Variants in STX8 observed in about 807,000 individuals in gnomAD.
The protein encoded by STX8 is syntaxin 8, also known as syntaxin-8.
Under a neutral mutation model 37.5 loss-of-function variants are expected in STX8, and 23 were observed. That is an observed-to-expected ratio of 0.61 (90% confidence interval 0.44 to 0.87). STX8 has a LOEUF of 0.87. Ranked by LOEUF, STX8 falls within the 40% of genes least tolerant of loss-of-function variation. The pLI is 0.00. For synonymous variants in STX8, 115 were observed against 99.1 expected (o/e 1.16, Z -0.95); for missense variants, 313 against 284.7 (o/e 1.10, Z -0.71).
chr17:9,546,783 G>A (rs1217988702), intron 3 of STX8, among the ~76,000 whole-genome samples: 1 of 150,670 alleles, frequency 6.6e-6, no homozygotes, highest in African/African-American at 2.4e-5. Context: ...ATTTTTGGTA[G>A]AGACAGGTTT....
chr17:9,278,515 G>A lies in STX8; in HGVS notation c.644-27870C>T, dbSNP rs74493773. Among the ~76,000 whole-genome samples the A allele has an allele frequency of 3.9e-3, 588 of 152,142 alleles. 4 individuals carry two copies. The highest frequency in any genetic ancestry group is 0.013 in the African/African-American group (549 of 41,522). ...AGCTTCTTTTTGGATAAGCAAGGGCGGCTATAGTGAGAGGAGAGGAGGAAA... is the reference window on the plus strand; with the variant it reads ...AGCTTCTTTTTGGATAAGCAAGGGCAGCTATAGTGAGAGGAGAGGAGGAAA... On this transcript the variant is annotated intron_variant, in intron 7 of 7. Transcript: ENST00000306357.
intron 7 of STX8, among the ~76,000 whole-genome samples, chr17:9,356,295 C>G (rs1322984898): frequency 6.6e-6 from 1 of 152,156 alleles, no homozygotes; most frequent in East Asian, 1.9e-4. Flanking sequence ...AAGAATAGCT[C>G]TAACCAAATG....
chr17:9,459,127 C>T (rs979599059), intron 6 of STX8, among the ~76,000 whole-genome samples: 2 of 152,016 alleles, frequency 1.3e-5, no homozygotes, highest in Admixed American at 6.5e-5. Flanking sequence ...CCACCATGCC[C>T]GGCCCACTCC....
chr17:9,437,828 CCT>C (rs1904489331), intron 6 of STX8: 3 of 152,172 alleles, frequency 2.0e-5, no homozygotes, highest in Admixed American at 1.3e-4. Context: ...CTCTTAGACG[CCT>C]CTGTTTGCGG....
intron 3 of STX8, among the ~76,000 whole-genome samples, chr17:9,546,583 C>A (rs367667727): frequency 0.012 from 1,002 of 83,708 alleles, 11 homozygotes; most frequent in African/African-American, 0.044. Flanking sequence ...ATGCAAACTA[C>A]AAAAGTGGTT....
At position 9,505,081 on chromosome 17, in the gene STX8, C is replaced by A; in HGVS notation, c.405G>T (p.Leu135Phe). The change falls in exon 5 of 8, where the codon TTG becomes TTT. Residue 135 changes from leucine to phenylalanine, a missense_variant. By Grantham distance (22) the Leu-to-Phe change is conservative. Coordinates refer to ENST00000306357, the MANE Select transcript of STX8 (RefSeq NM_004853.3). ...GCTGTTGCCGGATTTCATCAAAACC[C>A]AAGCCTCTGGTCTCCTCTGGCTCCT... ...LFEEPEETRG[L>F]GFDEIRQQQQ... The A allele has an allele frequency of 6.2e-7, 1 of 1,613,126 alleles. No individual in the cohort carries two copies. The highest frequency in any genetic ancestry group is 8.5e-7 in the Non-Finnish European group (1 of 1,179,576).
At chr17:9,570,696 GC>G (rs1230708480) in intron 1 of STX8, among the ~76,000 whole-genome samples, 2 of 152,030 alleles carry the variant, frequency 1.3e-5, no homozygotes, top group Non-Finnish European at 2.9e-5. Flanking sequence ...GAAAAGAGGA[GC>G]CTAGGTCTGG....
chr17:9,477,407 G>A (rs747509656), intron 6 of STX8, among the ~76,000 whole-genome samples: 1 of 151,936 alleles, frequency 6.6e-6, no homozygotes, highest in African/African-American at 2.4e-5. Flanking sequence ...ATAACAAAAG[G>A]AGCAAAAACA....
chr17:9,443,900 A>G (rs926042082), intron 6 of STX8, among the ~76,000 whole-genome samples: 2 of 152,130 alleles, frequency 1.3e-5, no homozygotes, highest in African/African-American at 4.8e-5. Context: ...TACCCAATAT[A>G]CACCCTTCCT....
intron 6 of STX8, chr17:9,452,334 CTCT>C (rs1310546132): frequency 1.3e-5 from 2 of 150,206 alleles, no homozygotes; most frequent in Admixed American, 6.7e-5. Context: ...AGAGAAAAAT[CTCT>C]TCTATCTTTA....
intron 6 of STX8, among the ~76,000 whole-genome samples, chr17:9,463,641 C>T (rs1905485471): frequency 6.6e-6 from 1 of 152,180 alleles, no homozygotes; most frequent in African/African-American, 2.4e-5. Context: ...GGCGCAATGG[C>T]TGATGCCTGT....
intron 4 of STX8, among the ~76,000 whole-genome samples, chr17:9,529,597 CT>C (rs1905730064): frequency 1.3e-5 from 2 of 152,182 alleles, no homozygotes; most frequent in African/African-American, 4.8e-5. Flanking sequence ...AAGGGAACCG[CT>C]TTCGTGATTT....
At chr17:9,265,815 C>T (rs187273854) in intron 7 of STX8, among the ~76,000 whole-genome samples, 10 of 152,230 alleles carry the variant, frequency 6.6e-5, no homozygotes, top group Admixed American at 2.0e-4. Flanking sequence ...TTGTTGGGGG[C>T]GCTGGAGGGG....
At position 9,545,287 on chromosome 17, in the gene STX8, A is replaced by G. The variant is rs374821717; in HGVS notation, c.213-5T>C. 18 of 1,604,044 alleles carry G rather than the reference A, an allele frequency of 1.1e-5. No homozygotes were observed. The highest frequency in any genetic ancestry group is 8.0e-5 in the African/African-American group (6 of 74,574). ...CGGTCCCCTTCAAGCTGTGTTCTGC[A>G]GATATCTTGTTAAGGTTCAATGGTG... On this transcript the variant is annotated splice_polypyrimidine_tract_variant and splice_region_variant and intron_variant, in intron 3 of 7. Transcript: ENST00000306357.
At chr17:9,451,901 T>C (rs1458234020) in intron 6 of STX8, among the ~76,000 whole-genome samples, 1 of 152,204 alleles carries the variant, frequency 6.6e-6, no homozygotes, top group East Asian at 1.9e-4. Context: ...TCTTATTTGG[T>C]TTAATTTGAG....
At chr17:9,327,181 A>G (rs554605308) in intron 7 of STX8, among the ~76,000 whole-genome samples, 9 of 149,900 alleles carry the variant, frequency 6.0e-5, no homozygotes, top group South Asian at 2.1e-4. Flanking sequence ...GAAGAAGAAG[A>G]AGGAAGAAGA....
At chr17:9,386,543 G>T (rs931792029) in intron 6 of STX8, among the ~76,000 whole-genome samples, 4 of 152,114 alleles carry the variant, frequency 2.6e-5, no homozygotes, top group Admixed American at 2.6e-4. Context: ...GAAGTCAGGA[G>T]GGAGGGAAGC....
At position 9,393,722 on chromosome 17, in the gene STX8, G is replaced by A. The variant is rs991080043; in HGVS notation, c.542-15069C>T. 1.9e-4 allele frequency among the ~76,000 whole-genome samples: 29 copies of A among 152,050 alleles called. 1 individual carries two copies. The highest frequency in any genetic ancestry group is 5.6e-4 in the African/African-American group (23 of 41,410). On this transcript the variant is annotated intron_variant, in intron 6 of 7. Coordinates refer to ENST00000306357, the MANE Select transcript of STX8 (RefSeq NM_004853.3). ...TAACAAAATAGAAAAATAAAAAAGC[G>A]GTACTAAGAAGTTCATATATATGAT...
At chr17:9,564,250 G>A (rs1405380555) in intron 2 of STX8, among the ~76,000 whole-genome samples, 1 of 151,646 alleles carries the variant, frequency 6.6e-6, no homozygotes, top group Admixed American at 6.6e-5. Context: ...GGGCAGTTAG[G>A]CAGGAGAAAA....
Sources: gnomAD v4.1 joint callset for allele counts (sites outside exome capture counted in the v4.1 genomes callset) on GRCh38, gnomAD v4.1.1 for gene constraint, MANE v1.5 for transcripts, NCBI Gene and HGNC (gene_info 2026-07-23, HGNC 2026-07-21) for gene names.